The following FRY variants were observed in gnomAD, a reference collection of about 807,000 sequenced individuals.
The protein encoded by FRY is protein furry homolog.
FRY carries 128 observed loss-of-function variants against 348.4 expected under a neutral mutation model. That is an observed-to-expected ratio of 0.37 (90% CI 0.32 to 0.43). The LOEUF (loss-of-function observed/expected upper bound fraction) is 0.43, where lower values mean the gene tolerates loss of function less well. FRY is among the 20% of genes least tolerant of loss of function. The pLI is 1.00. For synonymous variants in FRY, 1,370 were observed against 1,374.7 expected (o/e 1.00, Z 0.08); for missense variants, 2,736 against 3,695.2 (o/e 0.74, Z 6.73).
chr13:32,140,312 G>A (rs1376722737), intron 11 of FRY, among the ~76,000 whole-genome samples: 1 of 152,152 alleles, frequency 6.6e-6, no homozygotes, highest in East Asian at 1.9e-4. Context: ...TGCTCAGATA[G>A]CAATACTGCA....
At chr13:32,104,731 G>A (rs531249030) in intron 3 of FRY, among the ~76,000 whole-genome samples, 1 of 152,232 alleles carries the variant, frequency 6.6e-6, no homozygotes, top group African/African-American at 2.4e-5. Context: ...GTCATGGGAG[G>A]GACCCAGTGA....
chr13:32,049,126 A>G (rs1219069089), intron 1 of FRY, among the ~76,000 whole-genome samples: 5 of 152,212 alleles, frequency 3.3e-5, no homozygotes, highest in Non-Finnish European at 5.9e-5. Context: ...ACTGACCTAA[A>G]TAATCATTTA....
chr13:32,172,003 G>A (rs1882115839), intron 18 of FRY, among the ~76,000 whole-genome samples: 1 of 2,504 alleles, frequency 4.0e-4, no homozygotes, highest in Non-Finnish European at 9.5e-4. Context: ...GGATATACAT[G>A]TGGATGTGAT....
intron 28 of FRY, among the ~76,000 whole-genome samples, chr13:32,191,832 G>A (rs537843879): frequency 6.6e-6 from 1 of 152,182 alleles, no homozygotes; most frequent in Admixed American, 6.5e-5. Flanking sequence ...ACCTCCTAAA[G>A]GCCCCACCTC....
At chr13:32,179,070 G>A (rs1566114024) in intron 22 of FRY, 37 bp downstream of exon 22, 3 of 1,532,180 alleles carry the variant, frequency 2.0e-6, no homozygotes, top group Admixed American at 1.7e-5. Flanking sequence ...ATTCTGTAAG[G>A]TTTTTTTTTA....
chr13:32,226,688 G>A (rs955432727), intron 39 of FRY, among the ~76,000 whole-genome samples: 7 of 152,090 alleles, frequency 4.6e-5, no homozygotes, highest in East Asian at 1.9e-4. Flanking sequence ...TTGCATTGGC[G>A]CCAGCTGTGG....
At position 32,097,362 on chromosome 13, in the gene FRY, C is replaced by CTT. The variant is rs34054013; in HGVS notation, c.271-4585_271-4584dup. ...TACTCTAGTACAGAACCTTTTTTTCCTTTTTTTTTTTTTTTTTGAGATGGA... is the reference window on the plus strand; with the variant it reads ...TACTCTAGTACAGAACCTTTTTTTCCTTTTTTTTTTTTTTTTTTTGAGATGGA... On this transcript the variant is annotated intron_variant, in intron 2 of 60. Coordinates refer to ENST00000542859, the MANE Select transcript of FRY (RefSeq NM_023037.3). 6.6e-3 allele frequency among the ~76,000 whole-genome samples: 833 copies of CTT among 126,458 alleles called. 12 individuals carry two copies. The highest frequency in any genetic ancestry group is 0.018 in the Middle Eastern group (4 of 222). The allele number at this position is 126,458 out of a possible 152,430, so 83.0% of individuals were successfully genotyped here.
rs957467581 is a variant in FRY at position 32,249,636 on chromosome 13, C to G, written c.7119C>G (p.Ser2373=). 50 of 1,614,214 alleles carry G rather than the reference C, an allele frequency of 3.1e-5. No individual in the cohort carries two copies. The East Asian group carries it at 1.1e-3, about 36-fold the overall frequency. The change falls in exon 49 of 61, where the codon TCC becomes TCG. Residue 2373 remains serine (S), a synonymous_variant. Transcript: ENST00000542859. The stretch of plus-strand genomic sequence containing the variant: ...GCACATCTTCCACTTCCTCAGGCTC[C>G]AACTCCAACGTCCTTGTTCCAGTGA... ...TRSTSSTSSG[S]NSNVLVPVSW...
intron 28 of FRY, among the ~76,000 whole-genome samples, chr13:32,190,947 C>G (rs934548842): frequency 1.3e-5 from 2 of 151,998 alleles, no homozygotes; most frequent in African/African-American, 4.8e-5. Context: ...AACTACTGAC[C>G]AAGAATAAGT....
In FRY at chr13:32,071,821, A is replaced by G. The variant is rs145449801; in HGVS notation, c.71-7013A>G. 1.9e-3 allele frequency among the ~76,000 whole-genome samples: 288 copies of G among 152,346 alleles called. 1 individual carries two copies. The highest frequency in any genetic ancestry group is 3.5e-3 in the Non-Finnish European group (237 of 68,026). On this transcript the variant is annotated intron_variant, in intron 1 of 60. Transcript: ENST00000542859. ...TGATCTGCTATACAATTGTATGTAT[A>G]GCCTAACAATAATATATTATACACT... is the stretch of plus-strand genomic sequence containing the variant.
Position 32,124,352 on chromosome 13 carries a change from A to G in FRY, c.531A>G (p.Leu177=). Residue 177 remains leucine, a synonymous_variant, in exon 5 of 61, where the codon TTA becomes TTG. Transcript: ENST00000542859. The part of the protein sequence containing the change: ...RDLAIDFIFS[L]VLIEVLKQIP... ...TCGCCATTGATTTTATTTTTTCTTT[A>G]GTATTAATAGAAGTTTTGAAACAGG... 6.4e-7 allele frequency: 1 copy of G among 1,569,670 alleles called. No individual in the cohort carries two copies. The highest frequency in any genetic ancestry group is 1.1e-5 in the South Asian group (1 of 89,912).
Position 32,209,643 on chromosome 13 carries a change from A to G in FRY, c.4334A>G (p.Asn1445Ser), listed in dbSNP as rs1417736535. 5.6e-6 allele frequency: 9 copies of G among 1,614,048 alleles called. No homozygotes were observed. In the South Asian group the frequency reaches 6.6e-5, roughly 12 times the overall value. Reference protein sequence around the residue: ...MENAWNALANNEKWSNNLRIT... With the variant: ...MENAWNALANSEKWSNNLRIT... Reference sequence around the variant, plus strand: ...AATGCTTGGAATGCTTTAGCCAACAATGAGAAATGGAGCAACAACCTGAGG... The same window carrying G: ...AATGCTTGGAATGCTTTAGCCAACAGTGAGAAATGGAGCAACAACCTGAGG... Residue 1445 changes from asparagine to serine, a missense_variant, in exon 33 of 61, where the codon AAT becomes AGT. By Grantham distance (46) the Asn-to-Ser change is conservative. This residue lies in a region of FRY where 794 missense variants were observed against 977.0 expected (regional missense o/e 0.81). Coordinates refer to ENST00000542859, the MANE Select transcript of FRY (RefSeq NM_023037.3).
intron 35 of FRY, among the ~76,000 whole-genome samples, chr13:32,215,904 A>T (rs1884964392): frequency 6.6e-6 from 1 of 152,214 alleles, no homozygotes; most frequent in South Asian, 2.1e-4. Flanking sequence ...TTAATAAAAG[A>T]TTTTTATAAA....
intron 55 of FRY, among the ~76,000 whole-genome samples, chr13:32,267,948 C>T (rs577073643): frequency 3.2e-4 from 48 of 152,308 alleles, no homozygotes; most frequent in African/African-American, 1.0e-3. Flanking sequence ...CTGCCTCTCC[C>T]GTGTGAACCA....
intron 51 of FRY, among the ~76,000 whole-genome samples, chr13:32,255,667 A>G (rs1340145901): frequency 1.3e-5 from 2 of 152,242 alleles, no homozygotes; most frequent in Non-Finnish European, 2.9e-5. Flanking sequence ...AAGAACCAAT[A>G]AAAAGTATTG....
intron 7 of FRY, among the ~76,000 whole-genome samples, chr13:32,125,629 T>G (rs1412785916): frequency 6.6e-6 from 1 of 152,302 alleles, no homozygotes; most frequent in East Asian, 1.9e-4. Flanking sequence ...ATTTTTATCT[T>G]CAAGGGATTG....
intron 50 of FRY, among the ~76,000 whole-genome samples, chr13:32,252,295 T>G (rs1357905575): frequency 6.6e-6 from 1 of 152,192 alleles, no homozygotes; most frequent in African/African-American, 2.4e-5. Flanking sequence ...ACATATATGC[T>G]CATATCTCTT....
chr13:32,244,481 T>G (rs894917543), intron 47 of FRY, among the ~76,000 whole-genome samples: 4 of 152,210 alleles, frequency 2.6e-5, no homozygotes, highest in African/African-American at 9.6e-5. Context: ...AGGCAGAGTC[T>G]TGGTTTTTTT....
chr13:32,254,362 G>A lies in FRY; in HGVS notation c.7384G>A (p.Asp2462Asn). The A allele has an allele frequency of 6.2e-7, 1 of 1,614,096 alleles. No homozygotes were observed. The highest frequency in any genetic ancestry group is 8.5e-7 in the Non-Finnish European group (1 of 1,179,986). Residue 2462 changes from aspartate (D) to asparagine (N), a missense_variant, in exon 51 of 61, where the codon GAC (aspartate) becomes AAC (asparagine). Asp to Asn is a conservative substitution (Grantham distance 23). Transcript: ENST00000542859. ...EQQFRVFRDFDFLDVELEDGE... is the reference protein window; with the variant it reads ...EQQFRVFRDFNFLDVELEDGE... ...GCAGTTTAGAGTCTTCAGAGACTTC[G>A]ACTTCCTAGATGTGGAGCTGGAGGA...
Sources: allele counts gnomAD v4.1 joint callset (sites outside exome capture counted in the v4.1 genomes callset), GRCh38; gene constraint gnomAD v4.1.1; regional missense constraint gnomAD v4.1.1; transcripts MANE v1.5; gene names NCBI Gene and HGNC (gene_info 2026-07-23, HGNC 2026-07-21).